Variants in MAPKAP1 observed in about 807,000 individuals in gnomAD.
The protein encoded by MAPKAP1 is target of rapamycin complex 2 subunit MAPKAP1.
A neutral mutation model predicts 65.7 loss-of-function variants in MAPKAP1; 20 were observed. The observed-to-expected ratio is 0.30, with a 90% CI of 0.21 to 0.44. The LOEUF is 0.44. MAPKAP1 is among the 20% of genes least tolerant of loss of function. The pLI, the probability that MAPKAP1 is intolerant of heterozygous loss-of-function variation, is 1.00. For synonymous variants in MAPKAP1, 222 were observed against 244.3 expected, an observed-to-expected ratio of 0.91 and a Z score of 0.85; for missense variants, 423 against 648.0, an observed-to-expected ratio of 0.65 and a Z score of 3.77.
intron 7 of MAPKAP1, among the ~76,000 whole-genome samples, chr9:125,512,166 A>G (rs183970025): frequency 6.6e-6 from 1 of 152,352 alleles, no homozygotes; most frequent in Non-Finnish European, 1.5e-5. Flanking sequence ...TTAGCATGCA[A>G]TTCTTTAACA....
chr9:125,645,650 T>G (rs912370862), intron 4 of MAPKAP1, among the ~76,000 whole-genome samples: 1 of 147,038 alleles, frequency 6.8e-6, no homozygotes, highest in Non-Finnish European at 1.5e-5. Flanking sequence ...GGCAGAAGAA[T>G]CACTTGAAAC....
At chr9:125,535,636 A>T (rs1830053453) in intron 7 of MAPKAP1, among the ~76,000 whole-genome samples, 1 of 152,228 alleles carries the variant, frequency 6.6e-6, no homozygotes, top group African/African-American at 2.4e-5. Context: ...AGAGAGGTTA[A>T]GTACATCATT....
At chr9:125,514,517 T>C (rs1159621338) in intron 7 of MAPKAP1, among the ~76,000 whole-genome samples, 1 of 152,192 alleles carries the variant, frequency 6.6e-6, no homozygotes, top group Non-Finnish European at 1.5e-5. Flanking sequence ...TTGTCATTTT[T>C]AGTCAATATT....
chr9:125,669,501 A>T (rs1010090283), intron 3 of MAPKAP1, among the ~76,000 whole-genome samples: 2 of 152,136 alleles, frequency 1.3e-5, no homozygotes, highest in Non-Finnish European at 1.5e-5. Context: ...ATAATAATAA[A>T]AATCAAATCA....
At chr9:125,618,029 G>GA (rs1254352743) in intron 4 of MAPKAP1, among the ~76,000 whole-genome samples, 2 of 151,894 alleles carry the variant, frequency 1.3e-5, no homozygotes, top group Non-Finnish European at 2.9e-5. Flanking sequence ...TCACTCATGA[G>GA]AAGCTTCATA....
intron 5 of MAPKAP1, among the ~76,000 whole-genome samples, chr9:125,573,188 C>A (rs12686660): frequency 0.19 from 28,778 of 151,526 alleles, 3,375 homozygotes; most frequent in Non-Finnish European, 0.27. Flanking sequence ...ACCTACCAGG[C>A]TGCACTCCCA....
chr9:125,474,649 T>C (rs1589221641), intron 9 of MAPKAP1, among the ~76,000 whole-genome samples: 1 of 152,096 alleles, frequency 6.6e-6, no homozygotes, highest in Non-Finnish European at 1.5e-5. Context: ...TCTTGGGAGG[T>C]ACAACCTCCC....
At chr9:125,617,734 T>TA (rs920678721) in intron 4 of MAPKAP1, among the ~76,000 whole-genome samples, 1 of 152,036 alleles carries the variant, frequency 6.6e-6, no homozygotes, top group Non-Finnish European at 1.5e-5. Flanking sequence ...TACATAAAGT[T>TA]AAAAAAATAT....
chr9:125,548,374 C>T (rs1589277922), intron 6 of MAPKAP1, among the ~76,000 whole-genome samples: 1 of 152,172 alleles, frequency 6.6e-6, no homozygotes, highest in Non-Finnish European at 1.5e-5. Flanking sequence ...GTGAGAGGGT[C>T]CGGGAAGCTT....
chr9:125,640,349 C>T (rs866515605), intron 4 of MAPKAP1, among the ~76,000 whole-genome samples: 3 of 151,870 alleles, frequency 2.0e-5, no homozygotes, highest in Non-Finnish European at 2.9e-5. Flanking sequence ...GTGATCCGCC[C>T]GCCTCGGCCT....
chr9:125,513,930 A>G (rs1829384763), intron 7 of MAPKAP1, among the ~76,000 whole-genome samples: 1 of 152,192 alleles, frequency 6.6e-6, no homozygotes, highest in Non-Finnish European at 1.5e-5. Context: ...AGCAGCCAGG[A>G]TTCCTACAGT....
intron 1 of MAPKAP1, among the ~76,000 whole-genome samples, chr9:125,673,122 T>C (rs1471189814): frequency 6.6e-6 from 1 of 152,228 alleles, no homozygotes. Context: ...GCACAGACAA[T>C]GCTTTCAGAG....
At chr9:125,651,896 G>C (rs1473633718) in intron 4 of MAPKAP1, among the ~76,000 whole-genome samples, 1 of 152,208 alleles carries the variant, frequency 6.6e-6, no homozygotes, top group African/African-American at 2.4e-5. Context: ...CACTGCCTCA[G>C]CTCAGGCAGC....
intron 6 of MAPKAP1, among the ~76,000 whole-genome samples, chr9:125,543,433 A>T (rs1336469355): frequency 1.3e-5 from 2 of 150,908 alleles, no homozygotes; most frequent in Admixed American, 6.6e-5. Flanking sequence ...CATCCGGCTA[A>T]TTTTTTGTAT....
chr9:125,655,864 A>G (rs1364502443), intron 4 of MAPKAP1, among the ~76,000 whole-genome samples: 1 of 152,230 alleles, frequency 6.6e-6, no homozygotes, highest in Non-Finnish European at 1.5e-5. Flanking sequence ...AAGCATTGAG[A>G]GCCTTCAGTG....
intron 9 of MAPKAP1, among the ~76,000 whole-genome samples, chr9:125,469,809 T>C (rs1332013568): frequency 6.6e-6 from 1 of 152,204 alleles, no homozygotes; most frequent in African/African-American, 2.4e-5. Flanking sequence ...TACATTTCAG[T>C]TAAAATAGAT....
intron 8 of MAPKAP1, chr9:125,506,019 A>C: frequency 2.3e-6 from 1 of 426,224 alleles, no homozygotes; most frequent in Non-Finnish European, 4.3e-6. Flanking sequence ...ACTTCAGAAA[A>C]GGCCTCATGC....
At chr9:125,570,185 G>A (rs1831185088) in intron 5 of MAPKAP1, among the ~76,000 whole-genome samples, 1 of 151,858 alleles carries the variant, frequency 6.6e-6, no homozygotes, top group Non-Finnish European at 1.5e-5. Context: ...ATCTTGTATG[G>A]TAAATTCTTG....
chr9:125,481,160 G>A (rs1854301485), intron 9 of MAPKAP1, among the ~76,000 whole-genome samples: 1 of 152,180 alleles, frequency 6.6e-6, no homozygotes, highest in Non-Finnish European at 1.5e-5. Flanking sequence ...ACTCAGTGCT[G>A]ACTGACTGCA....
Sources: allele counts gnomAD v4.1 joint callset (sites outside exome capture counted in the v4.1 genomes callset), GRCh38; gene constraint gnomAD v4.1.1; transcripts MANE v1.5; gene names NCBI Gene and HGNC (gene_info 2026-07-23, HGNC 2026-07-21).